PCLO: variants seen among roughly 807,000 people sequenced by gnomAD.
PCLO encodes the protein protein piccolo.
PCLO carries 82 observed loss-of-function variants against 427.5 expected under a neutral mutation model. That is an observed-to-expected ratio of 0.19 (90% confidence interval 0.16 to 0.23). The LOEUF (loss-of-function observed/expected upper bound fraction) is 0.23. Ranked by LOEUF, PCLO falls within the 10% of genes least tolerant of loss-of-function variation. The probability of loss-of-function intolerance (pLI) is 1.00; values close to 1 mark genes in which losing one functional copy is unlikely to be tolerated. For synonymous variants in PCLO, 2,357 were observed against 2,155.4 expected, an observed-to-expected ratio of 1.09 and a Z score of -2.59; for missense variants, 6,239 against 6,115.9, an observed-to-expected ratio of 1.02 and a Z score of -0.67.
intron 3 of PCLO, among the ~76,000 whole-genome samples, chr7:83,122,958 T>C (rs1448151645): frequency 6.6e-6 from 1 of 152,046 alleles, no homozygotes; most frequent in Non-Finnish European, 1.5e-5. Context: ...ATAAAAACTA[T>C]AAAACATTGA....
chr7:83,022,190 A>C (rs1258989002), intron 3 of PCLO, among the ~76,000 whole-genome samples: 2 of 152,118 alleles, frequency 1.3e-5, no homozygotes, highest in African/African-American at 4.8e-5. Context: ...AAGGACACAT[A>C]GAAGGTGCTG....
intron 20 of PCLO, chr7:82,820,806 T>C (rs959831052): frequency 2.4e-6 from 3 of 1,231,094 alleles, no homozygotes; most frequent in African/African-American, 3.1e-5. Flanking sequence ...TTTATAGTCA[T>C]GCTTGAACAG....
chr7:83,020,833 T>C (rs1788325064), intron 3 of PCLO, among the ~76,000 whole-genome samples: 1 of 152,076 alleles, frequency 6.6e-6, no homozygotes, highest in South Asian at 2.1e-4. Flanking sequence ...ACCAAGCTTG[T>C]GGTATATTTG....
intron 10 of PCLO, among the ~76,000 whole-genome samples, chr7:82,860,642 T>A (rs1792928848): frequency 6.6e-6 from 1 of 152,046 alleles, no homozygotes; most frequent in Non-Finnish European, 1.5e-5. Flanking sequence ...GGTAATAGTA[T>A]GTACACAGAG....
rs560013199 is a variant in PCLO at position 83,064,882 on chromosome 7, G to C, written c.3300+69368C>G. On this transcript the variant is annotated intron_variant, in intron 3 of 24. Transcript: ENST00000333891. ...TTTCTAAATAATACTCCCTTTAATA[G>C]TCACATTTTTCTCCAAAGGGAACAA... 6.6e-5 allele frequency among the ~76,000 whole-genome samples: 10 copies of C among 151,982 alleles called. No homozygotes were observed. In the East Asian group the frequency reaches 1.7e-3, roughly 26 times the overall value.
In PCLO at chr7:82,763,299, G is replaced by A. The variant is rs569331585; in HGVS notation, c.15008-1806C>T. 1.1e-4 allele frequency among the ~76,000 whole-genome samples: 17 copies of A among 152,070 alleles called. 1 individual carries two copies. The highest frequency in any genetic ancestry group is 3.9e-4 in the African/African-American group (16 of 41,486). On this transcript the variant is annotated intron_variant, in intron 22 of 24. Coordinates refer to ENST00000333891, the MANE Select transcript of PCLO (RefSeq NM_033026.6). Reference sequence around the variant, plus strand: ...TAGCACTTTCATGCACTATTACTTTGCACTACCAATATAAATATCAACCAA... The same window carrying A: ...TAGCACTTTCATGCACTATTACTTTACACTACCAATATAAATATCAACCAA...
At chr7:82,790,869 T>A (rs1311618694) in intron 22 of PCLO, among the ~76,000 whole-genome samples, 1 of 152,202 alleles carries the variant, frequency 6.6e-6, no homozygotes, top group African/African-American at 2.4e-5. Context: ...TTAACAAGAC[T>A]TTTCAAGGTG....
intron 10 of PCLO, among the ~76,000 whole-genome samples, chr7:82,851,405 C>G (rs207468143): frequency 6.6e-6 from 1 of 151,820 alleles, no homozygotes; most frequent in South Asian, 2.1e-4. Flanking sequence ...AGGATCTGAC[C>G]TATAGGGCAA....
chr7:83,030,886 T>G (rs1390817100), intron 3 of PCLO, among the ~76,000 whole-genome samples: 1 of 152,160 alleles, frequency 6.6e-6, no homozygotes, highest in African/African-American at 2.4e-5. Flanking sequence ...AACAATCACT[T>G]TTTTATCGTA....
chr7:82,995,585 T>C (rs1190903354), intron 3 of PCLO, among the ~76,000 whole-genome samples: 3 of 151,962 alleles, frequency 2.0e-5, no homozygotes, highest in Non-Finnish European at 4.4e-5. Context: ...CTACTTGATG[T>C]GGACATGATA....
chr7:83,162,449 C>G lies in PCLO; in HGVS notation c.144G>C (p.Leu48=). The stretch of plus-strand genomic sequence containing the variant: ...CGATCTGTCTCCTCTCCTCTTCGCT[C>G]AGCTGGCTCAAATCCGCCTCCATGC... ...PAGMEADLSQ[L]SEEERRQIAA... Residue 48 remains leucine (L), a synonymous_variant, in exon 1 of 25, where the codon CTG becomes CTC. Transcript: ENST00000333891. 6.3e-7 allele frequency: 1 copy of G among 1,593,828 alleles called. No individual in the cohort carries two copies.
chr7:83,005,263 T>C (rs1787918752), intron 3 of PCLO, among the ~76,000 whole-genome samples: 1 of 151,660 alleles, frequency 6.6e-6, no homozygotes, highest in Non-Finnish European at 1.5e-5. Flanking sequence ...GTGTCATTTG[T>C]GACAACATGG....
chr7:82,953,451 T>A lies in PCLO; in HGVS notation c.7502A>T (p.His2501Leu), dbSNP rs1161042566. ...TGGAGGTTTGCTTGGCTCAGGCCTGTGGGTAAATACAAGTCCAGATGGAAT... is the reference window on the plus strand; with the variant it reads ...TGGAGGTTTGCTTGGCTCAGGCCTGAGGGTAAATACAAGTCCAGATGGAAT... ...SSIPSGLVFT[H>L]RPEPSKPPIA... Residue 2501 changes from histidine to leucine, a missense_variant, in exon 5 of 25, where the codon CAC (histidine) becomes CTC (leucine). By Grantham distance (99) the His-to-Leu change is moderately conservative. This residue lies in a region of PCLO where 4,677 missense variants were observed against 4,468.4 expected (regional missense o/e 1.05). Transcript: ENST00000333891. 2 of 1,612,956 alleles carry A rather than the reference T, an allele frequency of 1.2e-6. No individual in the cohort carries two copies. The highest frequency in any genetic ancestry group is 1.7e-6 in the Non-Finnish European group (2 of 1,179,700).
In PCLO at chr7:82,829,350, G is replaced by A. The variant is rs183755214; in HGVS notation, c.14250-1384C>T. On this transcript the variant is annotated intron_variant, in intron 16 of 24. Transcript: ENST00000333891. The stretch of plus-strand genomic sequence containing the variant: ...TACTCCCCGAAGGAAAGTCTGACTT[G>A]ATTAGTCTGGGATGAGGCTTGAGTA... Among the ~76,000 whole-genome samples, 301 of 152,272 alleles carry A rather than the reference G, an allele frequency of 2.0e-3. 5 individuals carry two copies. Among genetic ancestry groups the A allele is most frequent in the African/African-American group, 6.8e-3 (284 of 41,568 alleles).
intron 2 of PCLO, among the ~76,000 whole-genome samples, chr7:83,153,220 T>A (rs2116679206): frequency 6.7e-6 from 1 of 150,278 alleles, no homozygotes; most frequent in East Asian, 1.9e-4. Flanking sequence ...TAAACATATG[T>A]ATATGTATAT....
intron 9 of PCLO, among the ~76,000 whole-genome samples, chr7:82,889,117 T>G (rs1170715493): frequency 2.0e-5 from 3 of 152,110 alleles, no homozygotes; most frequent in African/African-American, 7.2e-5. Flanking sequence ...AACCTTTTGA[T>G]ACTAAAAACC....
chr7:82,839,938 G>A (rs1274498459), intron 14 of PCLO, among the ~76,000 whole-genome samples: 2 of 151,724 alleles, frequency 1.3e-5, no homozygotes, highest in Admixed American at 1.3e-4. Flanking sequence ...ACTGCCTTAC[G>A]AAAATATCCC....
chr7:82,979,765 T>C (rs1796106560), intron 3 of PCLO, among the ~76,000 whole-genome samples: 1 of 152,142 alleles, frequency 6.6e-6, no homozygotes, highest in South Asian at 2.1e-4. Flanking sequence ...AGTAGTGATT[T>C]GGAACTGAGA....
chr7:82,978,249 A>T (rs58663052), intron 3 of PCLO, among the ~76,000 whole-genome samples: 14,543 of 150,636 alleles, frequency 0.097, 2,349 homozygotes, highest in African/African-American at 0.34. Context: ...GTTTTAAATT[A>T]AAAAAAAATG....
Sources: allele counts gnomAD v4.1 joint callset (sites outside exome capture counted in the v4.1 genomes callset), GRCh38; gene constraint gnomAD v4.1.1; regional missense constraint gnomAD v4.1.1; transcripts MANE v1.5; gene names NCBI Gene and HGNC (gene_info 2026-07-23, HGNC 2026-07-21).